LUZP2: variants seen among roughly 807,000 people sequenced by gnomAD.
LUZP2 encodes leucine zipper protein 2.
LUZP2 carries 52 observed loss-of-function variants against 51.6 expected under a neutral mutation model. That is an observed-to-expected ratio of 1.01 (90% confidence interval 0.81 to 1.27). The LOEUF (loss-of-function observed/expected upper bound fraction) is 1.27, where lower values mean the gene tolerates loss of function less well. LUZP2 is among the 50% of genes most tolerant of loss of function. The pLI is 0.00. For missense variants in LUZP2, 436 were observed against 395.4 expected, an observed-to-expected ratio of 1.10 and a Z score of -0.87; for synonymous variants, 154 against 137.3, an observed-to-expected ratio of 1.12 and a Z score of -0.85.
At chr11:24,672,807 C>A (rs1478361835) in intron 1 of LUZP2, among the ~76,000 whole-genome samples, 1 of 152,188 alleles carries the variant, frequency 6.6e-6, no homozygotes, top group South Asian at 2.1e-4. Flanking sequence ...TTATTGAATA[C>A]TTTACGTCAG....
intron 5 of LUZP2, among the ~76,000 whole-genome samples, chr11:24,866,046 T>C (rs901351622): frequency 6.6e-6 from 1 of 151,336 alleles, no homozygotes; most frequent in African/African-American, 2.4e-5. Context: ...TGACCTCGAG[T>C]GATCCGTTCA....
chr11:24,959,195 T>A (rs1273464249), intron 7 of LUZP2, among the ~76,000 whole-genome samples: 1 of 152,182 alleles, frequency 6.6e-6, no homozygotes, highest in African/African-American at 2.4e-5. Context: ...GTGTGATGCC[T>A]CCAGCTTTGT....
chr11:25,076,733 CTTTT>C (rs59989545), intron 10 of LUZP2, among the ~76,000 whole-genome samples: 1 of 132,732 alleles, frequency 7.5e-6, no homozygotes, highest in Non-Finnish European at 1.6e-5. Context: ...AAGTGGAATC[CTTTT>C]TTTTTTTTTT....
At chr11:24,889,053 C>T (rs1334782665) in intron 5 of LUZP2, among the ~76,000 whole-genome samples, 1 of 152,142 alleles carries the variant, frequency 6.6e-6, no homozygotes, top group African/African-American at 2.4e-5. Flanking sequence ...ATACACCATC[C>T]AATTGAGAGG....
intron 5 of LUZP2, among the ~76,000 whole-genome samples, chr11:24,816,607 A>T (rs1415670169): frequency 1.3e-5 from 2 of 152,086 alleles, no homozygotes; most frequent in African/African-American, 4.8e-5. Flanking sequence ...AGATATCTGG[A>T]TTCAGGATTT....
intron 1 of LUZP2, among the ~76,000 whole-genome samples, chr11:24,558,669 G>A (rs1007365803): frequency 6.6e-6 from 1 of 152,160 alleles, no homozygotes; most frequent in African/African-American, 2.4e-5. Context: ...GGCCCTTTAG[G>A]AAGTGATTAA....
intron 1 of LUZP2, among the ~76,000 whole-genome samples, chr11:24,706,999 TAA>T (rs756567659): frequency 2.9e-4 from 18 of 61,862 alleles, no homozygotes; most frequent in African/African-American, 7.4e-4. Context: ...TTGCTAAAAA[TAA>T]AAAAAAAAAA....
chr11:24,824,252 G>A (rs1850452426), intron 5 of LUZP2, among the ~76,000 whole-genome samples: 1 of 150,732 alleles, frequency 6.6e-6, no homozygotes, highest in Non-Finnish European at 1.5e-5. Context: ...TGTAATCCCA[G>A]CTACTCAGGA....
At chr11:24,738,381 C>G in intron 4 of LUZP2, 79 bp downstream of exon 4, 1 of 889,234 alleles carries the variant, frequency 1.1e-6, no homozygotes, top group Non-Finnish European at 1.8e-6. Context: ...CACTATGGAA[C>G]AAACACACCT....
chr11:24,917,810 C>T (rs1016225310), intron 7 of LUZP2, among the ~76,000 whole-genome samples: 251 of 152,130 alleles, frequency 1.6e-3, no homozygotes, highest in African/African-American at 5.8e-3. Flanking sequence ...ATTGACTTGG[C>T]AATGCGGGCT....
intron 9 of LUZP2, among the ~76,000 whole-genome samples, chr11:24,991,369 T>C: frequency 9.9e-6 from 1 of 101,006 alleles, no homozygotes; most frequent in South Asian, 4.8e-4. Flanking sequence ...TATGTGTGTG[T>C]ATATATATGT....
intron 2 of LUZP2, among the ~76,000 whole-genome samples, chr11:24,731,028 T>C (rs1858694032): frequency 6.6e-6 from 1 of 151,814 alleles, no homozygotes; most frequent in African/African-American, 2.4e-5. Context: ...CTTGTATTTA[T>C]GTGAAGCTAC....
At chr11:24,965,578 A>G (rs557831708) in intron 7 of LUZP2, among the ~76,000 whole-genome samples, 1 of 151,906 alleles carries the variant, frequency 6.6e-6, no homozygotes, top group South Asian at 2.1e-4. Flanking sequence ...AATTTTGAGG[A>G]AAAGTTATAG....
chr11:24,896,375 C>T (rs1221810123), intron 5 of LUZP2, among the ~76,000 whole-genome samples: 2 of 152,176 alleles, frequency 1.3e-5, no homozygotes, highest in African/African-American at 4.8e-5. Flanking sequence ...GGTCCCCACA[C>T]TTGGAGCAGC....
intron 1 of LUZP2, among the ~76,000 whole-genome samples, chr11:24,573,797 T>C (rs911109722): frequency 1.3e-5 from 2 of 152,018 alleles, no homozygotes; most frequent in African/African-American, 4.8e-5. Context: ...AGCACACAGA[T>C]TACCTGTTTC....
chr11:25,041,223 A>AT (rs1858047623), intron 9 of LUZP2, among the ~76,000 whole-genome samples: 4 of 152,028 alleles, frequency 2.6e-5, no homozygotes, highest in Non-Finnish European at 5.9e-5. Flanking sequence ...TATACGCTGT[A>AT]TTTTTTCTAT....
At chr11:24,682,859 C>G (rs1227925228) in intron 1 of LUZP2, among the ~76,000 whole-genome samples, 1 of 151,848 alleles carries the variant, frequency 6.6e-6, no homozygotes, top group Non-Finnish European at 1.5e-5. Flanking sequence ...CAAAAATTAG[C>G]TGGGCGTGAT....
chr11:24,881,083 T>C (rs1194705372), intron 5 of LUZP2, among the ~76,000 whole-genome samples: 1 of 152,136 alleles, frequency 6.6e-6, no homozygotes, highest in Non-Finnish European at 1.5e-5. Context: ...GCTTTGTTTT[T>C]TGGTTGCCAG....
At chr11:24,959,905 A>G (rs1855341485) in intron 7 of LUZP2, among the ~76,000 whole-genome samples, 5 of 152,142 alleles carry the variant, frequency 3.3e-5, no homozygotes, top group Admixed American at 3.3e-4. Flanking sequence ...GATAGCTCTT[A>G]TTATTTTGAG....
Sources: gnomAD v4.1 joint callset for allele counts (sites outside exome capture counted in the v4.1 genomes callset) on GRCh38, gnomAD v4.1.1 for gene constraint, MANE v1.5 for transcripts, NCBI Gene and HGNC (gene_info 2026-07-23, HGNC 2026-07-21) for gene names.